Variants in NLGN4X observed in about 807,000 individuals in gnomAD.
NLGN4X encodes the protein neuroligin 4 X-linked.
In NLGN4X, 3 loss-of-function variants were observed where a neutral mutation model predicts 40.3. The ratio of observed to expected loss-of-function variants is 0.07; its 90% confidence interval spans 0.03 to 0.19. The LOEUF is 0.19. Among genes scored for constraint, NLGN4X ranks in the 10% least tolerant of loss-of-function variants. The pLI, the probability that NLGN4X is intolerant of heterozygous loss-of-function variation, is 1.00. For synonymous variants in NLGN4X, 270 were observed against 306.8 expected, an observed-to-expected ratio of 0.88 and a Z score of 1.25; for missense variants, 382 against 708.3, an observed-to-expected ratio of 0.54 and a Z score of 5.23.
chrX:5,903,514 G>T lies in NLGN4X; in HGVS notation c.1164C>A (p.Asp388Glu). 6.6e-6 allele frequency: 8 copies of T among 1,208,684 alleles called. No homozygotes were observed. The highest frequency in any genetic ancestry group is 9.0e-6 in the Non-Finnish European group (8 of 893,553). The change falls in exon 5 of 6, where the codon GAC becomes GAA. Residue 388 changes from aspartate (D) to glutamate (E), a missense_variant. Physicochemically the swap from Asp to Glu is conservative, Grantham distance 45. Coordinates refer to ENST00000381095, the MANE Select transcript of NLGN4X (RefSeq NM_181332.3). ...AGTCAAAGTCGTTGGGCGTCACACC[G>T]TCCTCGTTATCCACGATGCCGTCCA... ...KFVDGIVDNE[D>E]GVTPNDFDFS...
At position 5,914,618 on chromosome X, in the gene NLGN4X, G is replaced by GTA. The variant is rs10616173; in HGVS notation, c.626-5381_626-5380dup. Among the ~76,000 whole-genome samples the GTA allele has an allele frequency of 5.3e-3, 546 of 102,458 alleles. 2 individuals are homozygous for GTA. Among genetic ancestry groups the GTA allele is most frequent in the Non-Finnish European group, 8.3e-3 (419 of 50,657 alleles). 89.0% of individuals were successfully genotyped at this position (102,458 alleles called of 115,157 possible). A position where few individuals can be genotyped will look rare whatever the true frequency, so the allele number is the denominator to read the frequency against. On this transcript the variant is annotated intron_variant, in intron 3 of 5. Transcript: ENST00000381095. Reference sequence around the variant, plus strand: ...ATGTATATATATATAATATATGTATGTATATATATATATATATGCATATAT... The same window carrying GTA: ...ATGTATATATATATAATATATGTATGTATATATATATATATATATGCATATAT...
chrX:6,190,571 A>G (rs900877032), intron 1 of NLGN4X, among the ~76,000 whole-genome samples: 5 of 112,038 alleles, frequency 4.5e-5, no homozygotes, highest in Non-Finnish European at 9.4e-5. Context: ...CAGATTTTCA[A>G]TTGTGAAATA....
intron 3 of NLGN4X, among the ~76,000 whole-genome samples, chrX:6,013,562 C>T (rs188468909): frequency 8.1e-5 from 9 of 111,328 alleles, no homozygotes; most frequent in African/African-American, 2.6e-4. Flanking sequence ...TGACCACAGC[C>T]GTCAAGGACC....
intron 2 of NLGN4X, among the ~76,000 whole-genome samples, chrX:6,137,914 G>C (rs2039855171): frequency 9.0e-6 from 1 of 111,601 alleles, no homozygotes; most frequent in Admixed American, 9.6e-5. Context: ...TTAGTTTATT[G>C]GCCATTCTAT....
intron 3 of NLGN4X, among the ~76,000 whole-genome samples, chrX:5,979,951 A>T (rs867392118): frequency 2.0e-4 from 21 of 103,151 alleles, no homozygotes; most frequent in Non-Finnish European, 3.5e-4. Flanking sequence ...TATATATATA[A>T]AAAACACAGT....
At chrX:5,954,622 C>G (rs191040157) in intron 3 of NLGN4X, among the ~76,000 whole-genome samples, 14 of 94,615 alleles carry the variant, frequency 1.5e-4, no homozygotes, top group African/African-American at 4.7e-4. Context: ...GTCTCTGTCT[C>G]TCTCTGTCTC....
intron 2 of NLGN4X, among the ~76,000 whole-genome samples, chrX:6,106,230 GT>G (rs1350359551): frequency 1.8e-5 from 2 of 111,536 alleles, no homozygotes; most frequent in Non-Finnish European, 3.8e-5. Context: ...GTTTTGAACT[GT>G]TTTTGACTTT....
intron 2 of NLGN4X, among the ~76,000 whole-genome samples, chrX:6,064,637 T>C (rs187462865): frequency 9.0e-6 from 1 of 110,641 alleles, no homozygotes; most frequent in Admixed American, 9.7e-5. Flanking sequence ...ATGTCATCAA[T>C]AGCAAATGAG....
chrX:6,167,262 A>C (rs185889216), intron 1 of NLGN4X, among the ~76,000 whole-genome samples: 1 of 109,987 alleles, frequency 9.1e-6, no homozygotes, highest in Non-Finnish European at 1.9e-5. Context: ...TGTGCACACA[A>C]GTAATGAATA....
intron 2 of NLGN4X, among the ~76,000 whole-genome samples, chrX:6,123,236 A>G (rs974248894): frequency 8.9e-6 from 1 of 112,011 alleles, no homozygotes; most frequent in Admixed American, 9.5e-5. Flanking sequence ...TTCCAAGGAG[A>G]AAAAGCAGGC....
At chrX:5,921,529 T>C (rs1388066567) in intron 3 of NLGN4X, among the ~76,000 whole-genome samples, 1 of 109,978 alleles carries the variant, frequency 9.1e-6, no homozygotes, top group Admixed American at 9.7e-5. Context: ...TTAAGAGCTG[T>C]TCTGCATCCT....
intron 1 of NLGN4X, among the ~76,000 whole-genome samples, chrX:6,201,154 C>T (rs748121482): frequency 8.9e-5 from 10 of 111,901 alleles, no homozygotes; most frequent in Non-Finnish European, 1.9e-4. Flanking sequence ...TTGATGACTA[C>T]CACAGAGGAA....
intron 1 of NLGN4X, among the ~76,000 whole-genome samples, chrX:6,189,393 A>G (rs1393793451): frequency 8.9e-6 from 1 of 112,308 alleles, no homozygotes; most frequent in Non-Finnish European, 1.9e-5. Context: ...TCAGGAAAAC[A>G]CACTCCAAAG....
intron 3 of NLGN4X, among the ~76,000 whole-genome samples, chrX:5,997,566 A>ATATG (rs1491158653): frequency 0.024 from 1,317 of 53,976 alleles, 16 homozygotes; most frequent in African/African-American, 0.088. Flanking sequence ...ATAAAATTAC[A>ATATG]TGTGTGTGTG....
intron 1 of NLGN4X, chrX:6,186,998 C>G (rs1392796888): frequency 2.7e-5 from 3 of 110,030 alleles, no homozygotes; most frequent in Non-Finnish European, 3.8e-5. Context: ...TACAGTGGTA[C>G]GATCTCAGCT....
At chrX:5,943,514 C>T (rs1181371154) in intron 3 of NLGN4X, among the ~76,000 whole-genome samples, 2 of 111,931 alleles carry the variant, frequency 1.8e-5, no homozygotes, top group African/African-American at 3.3e-5. Context: ...CAATAAGAAA[C>T]GCATACAAGG....
rs189751060 is a variant in NLGN4X, at chrX:6,008,705, C to A, written c.625+20575G>T. Among the ~76,000 whole-genome samples the A allele has an allele frequency of 1.8e-3, 197 of 111,670 alleles. 2 individuals carry two copies. The highest frequency in any genetic ancestry group is 0.014 in the East Asian group (51 of 3,543). ...GTGATATAGAGAATATGAAATTGATCATTTAAACTATTTTTTGGTGTATAA... is the reference window on the plus strand; with the variant it reads ...GTGATATAGAGAATATGAAATTGATAATTTAAACTATTTTTTGGTGTATAA... On this transcript the variant is annotated intron_variant, in intron 3 of 5. Transcript: ENST00000381095.
chrX:6,122,471 T>G (rs2039446342), intron 2 of NLGN4X, among the ~76,000 whole-genome samples: 1 of 110,398 alleles, frequency 9.1e-6, no homozygotes, highest in African/African-American at 3.3e-5. Flanking sequence ...ACTCTTCAGA[T>G]GATCCACCTG....
chrX:6,126,586 AAAT>A (rs765410313), intron 2 of NLGN4X, among the ~76,000 whole-genome samples: 1 of 111,939 alleles, frequency 8.9e-6, no homozygotes, highest in Non-Finnish European at 1.9e-5. Flanking sequence ...ATCATTTGCA[AAAT>A]AATAATAATA....
Sources: allele counts gnomAD v4.1 joint callset (sites outside exome capture counted in the v4.1 genomes callset), GRCh38; gene constraint gnomAD v4.1.1; transcripts MANE v1.5; gene names NCBI Gene and HGNC (gene_info 2026-07-23, HGNC 2026-07-21).